LRP6: variants seen among roughly 807,000 people sequenced by gnomAD.
LRP6 encodes low-density lipoprotein receptor-related protein 6.
In LRP6, 43 loss-of-function variants were observed where a neutral mutation model predicts 184.1. The observed-to-expected ratio is 0.23, with a 90% confidence interval of 0.18 to 0.30. The LOEUF (loss-of-function observed/expected upper bound fraction) is 0.30, where lower values mean the gene tolerates loss of function less well. Ranked by LOEUF, LRP6 falls within the 10% of genes least tolerant of loss-of-function variation. The pLI is 1.00. For synonymous variants in LRP6, 719 were observed against 684.9 expected (o/e 1.05, Z -0.78); for missense variants, 1,571 against 2,005.3 (o/e 0.78, Z 4.14).
At chr12:12,170,791 TCACACACA>T (rs10571241) in intron 7 of LRP6, among the ~76,000 whole-genome samples, 1,904 of 142,886 alleles carry the variant, frequency 0.013, 13 homozygotes, top group South Asian at 0.019. Context: ...TAAAATTACT[TCACACACA>T]CACACACACA....
At chr12:12,202,625 A>G (rs1863945929) in intron 3 of LRP6, among the ~76,000 whole-genome samples, 1 of 152,232 alleles carries the variant, frequency 6.6e-6, no homozygotes, top group Admixed American at 6.5e-5. Flanking sequence ...CTGCTTTTAA[A>G]CTACAGTAGC....
Position 12,161,489 on chromosome 12 carries a change from C to A in LRP6, c.2279+704G>T, listed in dbSNP as rs529374746. Among the ~76,000 whole-genome samples, 8 of 152,216 alleles carry A rather than the reference C, an allele frequency of 5.3e-5. No individual in the cohort carries two copies. In the South Asian group the frequency reaches 1.7e-3, roughly 32 times the overall value. ...TTCACCATGTTGGCCAGGCTGGTCT[C>A]GAACTCCTGACCTTGTGATCTGCCC... On this transcript the variant is annotated intron_variant, in intron 10 of 22. Transcript: ENST00000261349.
At chr12:12,162,865 A>G (rs1409015460) in intron 9 of LRP6, among the ~76,000 whole-genome samples, 3 of 152,212 alleles carry the variant, frequency 2.0e-5, no homozygotes, top group Admixed American at 1.3e-4. Flanking sequence ...TAACACTTTT[A>G]AAAATCATAA....
chr12:12,238,406 C>T (rs1008149320), intron 2 of LRP6, among the ~76,000 whole-genome samples: 7 of 151,704 alleles, frequency 4.6e-5, no homozygotes, highest in Non-Finnish European at 7.4e-5. Context: ...AATTAACAAA[C>T]GACAAAAATG....
chr12:12,163,611 A>G (rs1031528348), intron 9 of LRP6, among the ~76,000 whole-genome samples: 1 of 152,184 alleles, frequency 6.6e-6, no homozygotes, highest in African/African-American at 2.4e-5. Context: ...AGGCCCTAAA[A>G]TTTTGTTTAA....
Position 12,164,403 on chromosome 12 carries a change from T to A in LRP6, c.1922A>T (p.Asp641Val), listed in dbSNP as rs761914050. 3.1e-6 allele frequency: 5 copies of A among 1,614,054 alleles called. No homozygotes were observed. In the East Asian group the frequency reaches 1.1e-4, roughly 36 times the overall value. ...EAFLLFSRRA[D>V]IRRISLETNN... ...TGTTTCCAGAGAAATTCGTCTGATA[T>A]CTGCTCTCCGTGAAAACAAAAGGAA... The change falls in exon 9 of 23, where the codon GAT becomes GTT. Residue 641 changes from aspartate (D) to valine (V), a missense_variant. Physicochemically the swap from Asp to Val is radical, Grantham distance 152 (BLOSUM62 -3). Coordinates refer to ENST00000261349, the MANE Select transcript of LRP6 (RefSeq NM_002336.3).
In LRP6 at chr12:12,118,297, G is replaced by C. The variant is rs188775539; in HGVS notation, c.*2829C>G. On this transcript the variant is annotated 3_prime_UTR_variant, in exon 23 of 23. Transcript: ENST00000261349. The stretch of plus-strand genomic sequence containing the variant: ...TATTCAGAAGACCACGACTCTGTTG[G>C]AGCAAAGTCCAGGCCTTAGTTATAA... 8.5e-5 allele frequency: 13 copies of C among 152,264 alleles called. No individual in the cohort carries two copies. The highest frequency in any genetic ancestry group is 4.6e-4 in the Admixed American group (7 of 15,284). The allele number at this position is 152,264 out of a possible 1,614,324, so 9.4% of individuals were successfully genotyped here.
At chr12:12,199,496 G>C (rs546671768) in intron 3 of LRP6, among the ~76,000 whole-genome samples, 1 of 152,272 alleles carries the variant, frequency 6.6e-6, no homozygotes, top group South Asian at 2.1e-4. Context: ...TTGTACAAAA[G>C]AAAGACTAAG....
intron 22 of LRP6, among the ~76,000 whole-genome samples, chr12:12,123,111 C>A (rs1285745151): frequency 1.3e-5 from 2 of 150,566 alleles, no homozygotes; most frequent in African/African-American, 4.9e-5. Context: ...AAAATCTCAA[C>A]AAATGATGTA....
At chr12:12,187,623 C>T (rs56684303) in intron 3 of LRP6, 8,056 of 179,318 alleles carry the variant, frequency 0.045, 699 homozygotes, top group African/African-American at 0.18. Context: ...TTGTCCATCA[C>T]TTCTTATGGT....
At chr12:12,257,421 T>TA (rs1179490740) in intron 1 of LRP6, among the ~76,000 whole-genome samples, 2 of 149,664 alleles carry the variant, frequency 1.3e-5, no homozygotes, top group African/African-American at 4.9e-5. Flanking sequence ...ACTAAAAAAA[T>TA]ACAAAAAAAA....
intron 2 of LRP6, among the ~76,000 whole-genome samples, chr12:12,231,301 T>A (rs986943024): frequency 1.4e-5 from 2 of 147,870 alleles, no homozygotes; most frequent in Non-Finnish European, 1.5e-5. Flanking sequence ...CCAGAGAAGA[T>A]CTTGGCACAC....
At chr12:12,246,285 G>A (rs1865181758) in intron 1 of LRP6, among the ~76,000 whole-genome samples, 1 of 151,904 alleles carries the variant, frequency 6.6e-6, no homozygotes, top group Non-Finnish European at 1.5e-5. Flanking sequence ...GGGATTACAG[G>A]CGTGAGCCAC....
At chr12:12,241,186 T>G (rs1245556228) in intron 2 of LRP6, among the ~76,000 whole-genome samples, 1 of 152,156 alleles carries the variant, frequency 6.6e-6, no homozygotes, top group African/African-American at 2.4e-5. Flanking sequence ...ATGAGAGAGC[T>G]CAATCAGCTC....
chr12:12,216,666 AAAAAG>A (rs1320930080), intron 2 of LRP6, among the ~76,000 whole-genome samples: 1 of 151,614 alleles, frequency 6.6e-6, no homozygotes, highest in Non-Finnish European at 1.5e-5. Flanking sequence ...AAAAAAAAAA[AAAAAG>A]AAAAGAAAAG....
intron 15 of LRP6, among the ~76,000 whole-genome samples, chr12:12,143,673 T>C (rs554472312): frequency 6.6e-6 from 1 of 152,094 alleles, no homozygotes; most frequent in East Asian, 1.9e-4. Context: ...CCAACAGTAA[T>C]GTGGAAAAAA....
At chr12:12,222,332 G>A (rs1263855677) in intron 2 of LRP6, among the ~76,000 whole-genome samples, 3 of 151,962 alleles carry the variant, frequency 2.0e-5, no homozygotes, top group Admixed American at 6.6e-5. Context: ...TTGGGAGGTC[G>A]AGGCGGGCGG....
At position 12,124,606 on chromosome 12, in the gene LRP6, A is replaced by G. The variant is rs764285295; in HGVS notation, c.4506T>C (p.Phe1502=). The G allele has an allele frequency of 6.2e-7, 1 of 1,614,018 alleles. No individual in the cohort carries two copies. Among genetic ancestry groups the G allele is most frequent in the South Asian group, 1.1e-5 (1 of 91,086 alleles). ...TGGAAGGACTGTTTGAAGAATATCC[A>G]AATTCCATAGTGTAATGTGATCGCT... ...ATERSHYTME[F]GYSSNSPSTH... The change falls in exon 22 of 23, where the codon TTT becomes TTC. Residue 1502 remains phenylalanine (F), a synonymous_variant. Coordinates refer to ENST00000261349, the MANE Select transcript of LRP6 (RefSeq NM_002336.3).
intron 15 of LRP6, among the ~76,000 whole-genome samples, chr12:12,145,098 A>G (rs962158277): frequency 6.6e-6 from 1 of 152,164 alleles, no homozygotes; most frequent in African/African-American, 2.4e-5. Flanking sequence ...AACCTAATAC[A>G]TTCAGATTGC....
Sources: gnomAD v4.1 joint callset for allele counts (sites outside exome capture counted in the v4.1 genomes callset) on GRCh38, gnomAD v4.1.1 for gene constraint, MANE v1.5 for transcripts, NCBI Gene and HGNC (gene_info 2026-07-23, HGNC 2026-07-21) for gene names.